Variants in PTPRN2 observed in about 807,000 individuals in gnomAD.
PTPRN2 encodes receptor-type tyrosine-protein phosphatase N2.
In PTPRN2, 74 loss-of-function variants were observed where a neutral mutation model predicts 118.8. The observed-to-expected ratio is 0.62, with a 90% CI of 0.52 to 0.76. The LOEUF is 0.76. Among genes scored for constraint, PTPRN2 ranks in the 30% least tolerant of loss-of-function variants. PTPRN2 has a pLI of 0.00. For synonymous variants in PTPRN2, 641 were observed against 608.0 expected, an observed-to-expected ratio of 1.05 and a Z score of -0.80; for missense variants, 1,481 against 1,394.4, an observed-to-expected ratio of 1.06 and a Z score of -0.99.
chr7:158,147,345 T>C (rs1424184181), intron 6 of PTPRN2, among the ~76,000 whole-genome samples: 3 of 89,508 alleles, frequency 3.4e-5, no homozygotes, highest in African/African-American at 1.3e-4. Context: ...CGACACCCCA[T>C]CTCACGCCAC....
chr7:158,047,549 T>C (rs376156335), intron 11 of PTPRN2, among the ~76,000 whole-genome samples: 2 of 151,842 alleles, frequency 1.3e-5, no homozygotes, highest in South Asian at 4.2e-4. Flanking sequence ...GAGGGCTACC[T>C]GCAGTCACTG....
rs561882683 is a variant in PTPRN2, at chr7:158,501,014, G to A, written c.113-11229C>T. On this transcript the variant is annotated intron_variant, in intron 1 of 22. Coordinates refer to ENST00000389418, the MANE Select transcript of PTPRN2 (RefSeq NM_002847.5). ...TGGGAGCTGGGCTCTGCGGCTTCCC[G>A]CCTCCCGCTCGGAGTCCAAATGTGT... Among the ~76,000 whole-genome samples, 331 of 152,384 alleles carry A rather than the reference G, an allele frequency of 2.2e-3. 1 individual carries two copies. The highest frequency in any genetic ancestry group is 7.4e-3 in the African/African-American group (306 of 41,598).
intron 1 of PTPRN2, among the ~76,000 whole-genome samples, chr7:158,567,004 A>G (rs1827708760): frequency 6.6e-6 from 1 of 152,220 alleles, no homozygotes; most frequent in Non-Finnish European, 1.5e-5. Context: ...ATGAGCCACC[A>G]TGCCCAACCA....
rs1795629941 is a variant in PTPRN2 at position 157,874,832 on chromosome 7, C to T, written c.1788+23841G>A. On this transcript the variant is annotated intron_variant, in intron 12 of 22. Transcript: ENST00000389418. The surrounding 1 kb of genome is among the most constrained non-coding windows in gnomAD (Gnocchi z 5.8). ...ACACACTCATGGACACACACAGAGA[C>T]ACACTCATGCACATATACACACGGA... Among the ~76,000 whole-genome samples, 1 of 147,038 alleles carries T rather than the reference C, an allele frequency of 6.8e-6. No individual in the cohort carries two copies. Among genetic ancestry groups the T allele is most frequent in the Non-Finnish European group, 1.5e-5 (1 of 66,470 alleles).
chr7:158,210,791 T>C (rs1408139185), intron 3 of PTPRN2, among the ~76,000 whole-genome samples: 1 of 152,030 alleles, frequency 6.6e-6, no homozygotes, highest in Admixed American at 6.5e-5. Flanking sequence ...CCTGAACAGA[T>C]CAATAACAAA....
intron 12 of PTPRN2, among the ~76,000 whole-genome samples, chr7:157,803,404 T>C (rs1805441064): frequency 6.6e-6 from 1 of 152,232 alleles, no homozygotes; most frequent in Non-Finnish European, 1.5e-5. Flanking sequence ...GATTTGCTGA[T>C]TGTTTCCCTG....
chr7:157,817,335 A>G (rs77166537), intron 12 of PTPRN2, among the ~76,000 whole-genome samples: 3,655 of 152,154 alleles, frequency 0.024, 169 homozygotes, highest in African/African-American at 0.083. Context: ...GAATCATGTC[A>G]CAGGAAACCA....
chr7:158,576,505 T>G (rs1465437890), intron 1 of PTPRN2, among the ~76,000 whole-genome samples: 1 of 152,066 alleles, frequency 6.6e-6, no homozygotes, highest in Non-Finnish European at 1.5e-5. Context: ...CTAAGGAGCC[T>G]CCCACCAGCA....
chr7:157,768,608 C>CA (rs1802624607), intron 12 of PTPRN2, among the ~76,000 whole-genome samples: 1 of 152,210 alleles, frequency 6.6e-6, no homozygotes, highest in Non-Finnish European at 1.5e-5. Context: ...AGCTCCACCC[C>CA]AGATGTTTCT....
intron 3 of PTPRN2, among the ~76,000 whole-genome samples, chr7:158,312,479 T>G (rs1330723185): frequency 7.7e-6 from 1 of 130,292 alleles, no homozygotes; most frequent in African/African-American, 3.0e-5. Flanking sequence ...TACCCACACA[T>G]GTACACACAC....
chr7:158,419,938 C>T (rs1290220624), intron 2 of PTPRN2, among the ~76,000 whole-genome samples: 3 of 152,188 alleles, frequency 2.0e-5, no homozygotes, highest in East Asian at 1.9e-4. Flanking sequence ...CATTGGACCC[C>T]GAGCTGTGCC....
intron 11 of PTPRN2, among the ~76,000 whole-genome samples, chr7:158,012,023 A>T (rs1806082386): frequency 6.6e-6 from 1 of 152,154 alleles, no homozygotes; most frequent in Admixed American, 6.5e-5. Context: ...TTGGGTGAGA[A>T]GAGCATCCTT....
chr7:157,665,262 T>G (rs1263569), intron 13 of PTPRN2, among the ~76,000 whole-genome samples: 93,818 of 152,340 alleles, frequency 0.62, 29,971 homozygotes, highest in East Asian at 0.79. Context: ...GATCCGCGAC[T>G]ATGCACCTTC....
chr7:158,249,012 A>G (rs933666895), intron 3 of PTPRN2, among the ~76,000 whole-genome samples: 11 of 148,846 alleles, frequency 7.4e-5, no homozygotes, highest in African/African-American at 2.0e-4. Flanking sequence ...TGCAGCACAT[A>G]TGTGCATACA....
chr7:157,954,014 G>C (rs1485377787), intron 11 of PTPRN2, among the ~76,000 whole-genome samples: 1 of 152,176 alleles, frequency 6.6e-6, no homozygotes, highest in Non-Finnish European at 1.5e-5. Context: ...CGTATCTGAG[G>C]CTGCAACAGG....
At chr7:158,354,063 T>C (rs2151273791) in intron 2 of PTPRN2, among the ~76,000 whole-genome samples, 1 of 152,332 alleles carries the variant, frequency 6.6e-6, no homozygotes, top group South Asian at 2.1e-4. Flanking sequence ...CCTTCCCACG[T>C]TATCAGGACA....
At chr7:158,486,168 G>A (rs1821003658) in intron 2 of PTPRN2, among the ~76,000 whole-genome samples, 1 of 152,226 alleles carries the variant, frequency 6.6e-6, no homozygotes, top group South Asian at 2.1e-4. Flanking sequence ...ACATCAGATT[G>A]CCGGGTCACG....
rs7784298 is a variant in PTPRN2 at position 158,162,357 on chromosome 7, C to T, written c.910+4574G>A. On this transcript the variant is annotated intron_variant, in intron 6 of 22. Transcript: ENST00000389418. ...AGCAACCAAGATGTTCCTCAGTAGG[C>T]GAATAAACTGTGGCCCATCTATACA... 5.2e-3 allele frequency among the ~76,000 whole-genome samples: 791 copies of T among 152,132 alleles called. 6 individuals are homozygous for T. Among genetic ancestry groups the T allele is most frequent in the Non-Finnish European group, 8.1e-3 (553 of 68,014 alleles).
At chr7:158,245,597 A>C (rs929646626) in intron 3 of PTPRN2, among the ~76,000 whole-genome samples, 2 of 152,092 alleles carry the variant, frequency 1.3e-5, no homozygotes, top group African/African-American at 4.8e-5. Context: ...CTGATCCATT[A>C]CTAGGTGGAG....
Sources: gnomAD v4.1 joint callset for allele counts (sites outside exome capture counted in the v4.1 genomes callset) on GRCh38, gnomAD v4.1.1 for gene constraint, Gnocchi (gnomAD v3.1) non-coding constraint, MANE v1.5 for transcripts, NCBI Gene and HGNC (gene_info 2026-07-23, HGNC 2026-07-21) for gene names.